Variants in LRBA observed in about 807,000 individuals in gnomAD.
LRBA encodes LPS responsive beige-like anchor protein, also known as lipopolysaccharide-responsive and beige-like anchor protein.
A neutral mutation model predicts 330.0 loss-of-function variants in LRBA; 176 were observed. The ratio of observed to expected loss-of-function variants is 0.53; its 90% confidence interval spans 0.47 to 0.60. The LOEUF is 0.60. LRBA is among the 20% of genes least tolerant of loss of function. The pLI, the probability that LRBA is intolerant of heterozygous loss-of-function variation, is 0.00. For synonymous variants in LRBA, 1,230 were observed against 1,193.0 expected, an observed-to-expected ratio of 1.03 and a Z score of -0.64; for missense variants, 3,259 against 3,444.8, an observed-to-expected ratio of 0.95 and a Z score of 1.35.
chr4:150,871,366 G>A lies in LRBA; in HGVS notation c.2346C>T (p.Thr782=). The change falls in exon 19 of 57, where the codon ACC becomes ACT. Residue 782 remains threonine (T), a synonymous_variant. Transcript: ENST00000651943. ...CTACCTCAAACAGCACATTATATGTGGTCATTGTGATTAAATTTGTCTGAA... is the reference window on the plus strand; with the variant it reads ...CTACCTCAAACAGCACATTATATGTAGTCATTGTGATTAAATTTGTCTGAA... The part of the protein sequence containing the change: ...LMLQTNLITM[T]TYNVLFEILI... 6.2e-7 allele frequency: 1 copy of A among 1,607,102 alleles called. No individual in the cohort carries two copies. Among genetic ancestry groups the A allele is most frequent in the Non-Finnish European group, 8.5e-7 (1 of 1,174,096 alleles).
intron 37 of LRBA, among the ~76,000 whole-genome samples, chr4:150,633,144 T>C (rs187481062): frequency 3.8e-4 from 58 of 152,320 alleles, no homozygotes; most frequent in African/African-American, 1.4e-3. Context: ...AAATTCTGGG[T>C]TTGCCAGTTA....
intron 51 of LRBA, among the ~76,000 whole-genome samples, chr4:150,313,466 G>C (rs966184094): frequency 6.6e-6 from 1 of 152,154 alleles, no homozygotes; most frequent in African/African-American, 2.4e-5. Flanking sequence ...AAAATTGTCT[G>C]AGAGGATACA....
At chr4:150,591,938 G>C (rs1772889869) in intron 38 of LRBA, among the ~76,000 whole-genome samples, 1 of 152,044 alleles carries the variant, frequency 6.6e-6, no homozygotes, top group Admixed American at 6.6e-5. Flanking sequence ...CTTACGACAA[G>C]CAGGAAGGCA....
intron 2 of LRBA, among the ~76,000 whole-genome samples, chr4:150,948,503 C>G (rs1014159567): frequency 1.3e-5 from 2 of 151,834 alleles, no homozygotes; most frequent in South Asian, 4.1e-4. Flanking sequence ...AAATATAAAA[C>G]TTTTTTAAAA....
chr4:150,478,721 G>A lies in LRBA; in HGVS notation c.6552-6982C>T, dbSNP rs188722440. ...GGGCCTTTGCATATACTGTGCCTTC[G>A]TTCAAAGAATAGCTGGTTATATTTC... is the stretch of plus-strand genomic sequence containing the variant. On this transcript the variant is annotated intron_variant, in intron 42 of 56. Coordinates refer to ENST00000651943, the MANE Select transcript of LRBA (RefSeq NM_001364905.1). Among the ~76,000 whole-genome samples the A allele has an allele frequency of 6.6e-5, 10 of 152,196 alleles. No homozygotes were observed. In the East Asian group the frequency reaches 9.6e-4, roughly 15 times the overall value.
At chr4:150,862,382 A>T (rs1269192419) in intron 22 of LRBA, among the ~76,000 whole-genome samples, 2 of 152,146 alleles carry the variant, frequency 1.3e-5, no homozygotes, top group Admixed American at 1.3e-4. Context: ...CTTTGTAGGG[A>T]CATGGATGAA....
chr4:150,861,510 A>T (rs1246491444), intron 22 of LRBA, among the ~76,000 whole-genome samples: 1 of 152,196 alleles, frequency 6.6e-6, no homozygotes, highest in African/African-American at 2.4e-5. Context: ...TCCAATATAA[A>T]AGATTTAAAA....
intron 48 of LRBA, among the ~76,000 whole-genome samples, chr4:150,329,685 G>A (rs1289495539): frequency 5.3e-5 from 8 of 152,156 alleles, no homozygotes; most frequent in African/African-American, 1.7e-4. Context: ...CCACTCCCAT[G>A]AAGTTTGCCC....
At chr4:150,757,590 T>C (rs1185132365) in intron 35 of LRBA, among the ~76,000 whole-genome samples, 1 of 152,130 alleles carries the variant, frequency 6.6e-6, no homozygotes, top group Admixed American at 6.5e-5. Flanking sequence ...TTATTATTCT[T>C]CCTGCCCCTG....
chr4:150,318,555 G>A (rs1580997484), intron 50 of LRBA, among the ~76,000 whole-genome samples: 1 of 148,020 alleles, frequency 6.8e-6, no homozygotes, highest in African/African-American at 2.4e-5. Flanking sequence ...AAGGTAGCAA[G>A]AGATAGAATG....
chr4:150,391,784 C>T (rs967433013), intron 47 of LRBA, among the ~76,000 whole-genome samples: 3 of 152,018 alleles, frequency 2.0e-5, no homozygotes, highest in Non-Finnish European at 4.4e-5. Context: ...GATGGTCTCT[C>T]TTCTACCTTC....
At chr4:150,470,853 ACACACACACACACACACACACAC>A (rs1756023233) in intron 43 of LRBA, among the ~76,000 whole-genome samples, 1 of 114,652 alleles carries the variant, frequency 8.7e-6, no homozygotes, top group East Asian at 2.9e-4. Context: ...ACACACACAC[ACACACACACACACACACACACAC>A]CACACACTAA....
At chr4:150,718,978 A>G (rs947664741) in intron 36 of LRBA, among the ~76,000 whole-genome samples, 1 of 152,086 alleles carries the variant, frequency 6.6e-6, no homozygotes, top group African/African-American at 2.4e-5. Context: ...TCAAACTTAT[A>G]AAATGAGGGA....
intron 23 of LRBA, among the ~76,000 whole-genome samples, chr4:150,851,299 A>G (rs913165707): frequency 6.6e-6 from 1 of 152,230 alleles, no homozygotes; most frequent in Non-Finnish European, 1.5e-5. Flanking sequence ...AACATAATGA[A>G]GAACCAACCA....
chr4:150,484,836 A>G (rs1757688638), intron 42 of LRBA, among the ~76,000 whole-genome samples: 1 of 151,752 alleles, frequency 6.6e-6, no homozygotes, highest in Non-Finnish European at 1.5e-5. Flanking sequence ...AAACATTTCT[A>G]TAGGTTGTGC....
chr4:150,494,770 C>T (rs947296685), intron 40 of LRBA, among the ~76,000 whole-genome samples: 6 of 152,006 alleles, frequency 3.9e-5, no homozygotes, highest in Admixed American at 6.5e-5. Context: ...CCAAGGCAGG[C>T]GGATCACGAG....
chr4:150,781,171 G>A lies in LRBA; in HGVS notation c.5580+16910C>T, dbSNP rs566833616. 2.0e-3 allele frequency among the ~76,000 whole-genome samples: 299 copies of A among 152,222 alleles called. 1 individual carries two copies. Among genetic ancestry groups the A allele is most frequent in the Admixed American group, 2.7e-3 (42 of 15,288 alleles). On this transcript the variant is annotated intron_variant, in intron 34 of 56. Transcript: ENST00000651943. ...TGGGATTACAGGCGTGAGCCACCAC[G>A]CCCGGCCGTGCATTTTATTTTTATT...
At chr4:150,292,552 T>C (rs1728451669) in intron 53 of LRBA, among the ~76,000 whole-genome samples, 1 of 152,228 alleles carries the variant, frequency 6.6e-6, no homozygotes, top group South Asian at 2.1e-4. Context: ...TTTCTTCCAA[T>C]TGATACTTAG....
At chr4:150,307,644 C>T (rs111902853) in intron 52 of LRBA, among the ~76,000 whole-genome samples, 3,338 of 151,704 alleles carry the variant, frequency 0.022, 103 homozygotes, top group African/African-American at 0.071. Flanking sequence ...CTTGGCAGGC[C>T]GACGCAGGAG....
Sources: gnomAD v4.1 joint callset for allele counts (sites outside exome capture counted in the v4.1 genomes callset) on GRCh38, gnomAD v4.1.1 for gene constraint, MANE v1.5 for transcripts, NCBI Gene and HGNC (gene_info 2026-07-23, HGNC 2026-07-21) for gene names.